APOLD1: variants seen among roughly 807,000 people sequenced by gnomAD.
The protein encoded by APOLD1 is apolipoprotein L domain containing 1.
A neutral mutation model predicts 15.3 loss-of-function variants in APOLD1; 22 were observed. The ratio of observed to expected loss-of-function variants is 1.44; its 90% confidence interval spans 1.03 to 2.05. The LOEUF is 2.05. Ranked by LOEUF, APOLD1 falls within the 30% of genes most tolerant of loss-of-function variation. The pLI is 0.00. For missense variants in APOLD1, 394 were observed against 353.5 expected (o/e 1.11, Z -0.92); for synonymous variants, 190 against 167.4 (o/e 1.13, Z -1.04).
intron 1 of APOLD1, among the ~76,000 whole-genome samples, chr12:12,769,582 T>C (rs947397720): frequency 6.6e-6 from 1 of 152,152 alleles, no homozygotes; most frequent in African/African-American, 2.4e-5. Flanking sequence ...AACGATCCTC[T>C]CATGCTTCCA....
rs528048293 is a variant in APOLD1 at position 12,777,632 on chromosome 12, G to T, written c.97-9277G>T. ...TCCCTAATTAAAAAATCTGAAATCC[G>T]AAATGTTCCAGTGAGCATTTCCTTT... On this transcript the variant is annotated intron_variant, in intron 1 of 1. Transcript: ENST00000326765. Among the ~76,000 whole-genome samples the T allele has an allele frequency of 7.3e-5, 11 of 151,466 alleles. No individual in the cohort carries two copies. The South Asian group carries it at 2.1e-3, about 29-fold the overall frequency.
intron 1 of APOLD1, among the ~76,000 whole-genome samples, chr12:12,758,125 A>G (rs1371381138): frequency 7.1e-6 from 1 of 140,602 alleles, no homozygotes. Context: ...TTTAGTAGAG[A>G]CGGGGTTTCA....
chr12:12,760,467 G>A (rs1341342632), intron 1 of APOLD1, among the ~76,000 whole-genome samples: 2 of 151,836 alleles, frequency 1.3e-5, no homozygotes, highest in Non-Finnish European at 2.9e-5. Flanking sequence ...TCAAAACCCC[G>A]TCTTTACTAA....
At chr12:12,735,394 G>A (rs2136370261) in intron 1 of APOLD1, among the ~76,000 whole-genome samples, 1 of 152,184 alleles carries the variant, frequency 6.6e-6, no homozygotes, top group African/African-American at 2.4e-5. Flanking sequence ...CTTTCAAGTT[G>A]AGACCTGGAA....
chr12:12,785,437 G>A (rs1052951308), upstream of APOLD1, among the ~76,000 whole-genome samples: 3 of 152,154 alleles, frequency 2.0e-5, no homozygotes, highest in African/African-American at 7.2e-5. Flanking sequence ...AGAGCCTGTG[G>A]TTCTCTTCCT....
intron 1 of APOLD1, among the ~76,000 whole-genome samples, chr12:12,774,244 A>G (rs1276180658): frequency 2.0e-5 from 3 of 152,092 alleles, no homozygotes; most frequent in African/African-American, 4.8e-5. Flanking sequence ...AAACTCAACA[A>G]TAAGAAGAAA....
upstream of APOLD1, among the ~76,000 whole-genome samples, chr12:12,783,634 T>G (rs1315396399): frequency 2.0e-5 from 3 of 150,026 alleles, no homozygotes; most frequent in Non-Finnish European, 3.0e-5. Flanking sequence ...TTTTTTGTTT[T>G]TTTTTTTTTT....
At chr12:12,726,776 A>T (rs1020008290) in intron 1 of APOLD1, among the ~76,000 whole-genome samples, 2 of 152,210 alleles carry the variant, frequency 1.3e-5, no homozygotes, top group African/African-American at 4.8e-5. Flanking sequence ...CAACCTGATT[A>T]TGCCTTTAGC....
chr12:12,763,346 G>A lies in APOLD1; in HGVS notation c.97-23563G>A, dbSNP rs182423824. ...CCCATATCCAAGAAAAATTGGTTCCGGGACACCCTGTGAATTCCAAAATTT... is the reference window on the plus strand; with the variant it reads ...CCCATATCCAAGAAAAATTGGTTCCAGGACACCCTGTGAATTCCAAAATTT... On this transcript the variant is annotated intron_variant, in intron 1 of 1. Transcript: ENST00000326765. Among the ~76,000 whole-genome samples the A allele has an allele frequency of 2.2e-3, 338 of 151,798 alleles. 1 individual carries two copies. Among genetic ancestry groups the A allele is most frequent in the Non-Finnish European group, 4.1e-3 (276 of 67,946 alleles).
chr12:12,781,085 T>C (rs1565437620), upstream of APOLD1, among the ~76,000 whole-genome samples: 1 of 152,188 alleles, frequency 6.6e-6, no homozygotes, highest in Admixed American at 6.6e-5. Context: ...ATATATTACA[T>C]TGCAATTAAA....
intron 1 of APOLD1, among the ~76,000 whole-genome samples, chr12:12,774,165 T>G (rs904778575): frequency 2.6e-5 from 4 of 152,146 alleles, no homozygotes; most frequent in Non-Finnish European, 5.9e-5. Flanking sequence ...AGCCACAGAC[T>G]GGAAGAAAAT....
In APOLD1 at chr12:12,774,546, C is replaced by CAAA. The variant is rs57343706; in HGVS notation, c.97-12337_97-12335dup. Among the ~76,000 whole-genome samples, 56 of 42,288 alleles carry CAAA rather than the reference C, an allele frequency of 1.3e-3. 1 individual carries two copies. Among genetic ancestry groups the CAAA allele is most frequent in the Non-Finnish European group, 1.6e-3 (35 of 22,546 alleles). 27.7% of individuals were successfully genotyped at this position (42,288 alleles called of 152,430 possible). ...GGGTGACACAGCGAGACTCTAACTCCAAAAAAAAAAAAAAAAAAAAAAAAA... is the reference window on the plus strand; with the variant it reads ...GGGTGACACAGCGAGACTCTAACTCCAAAAAAAAAAAAAAAAAAAAAAAAAAAA... On this transcript the variant is annotated intron_variant, in intron 1 of 1. Transcript: ENST00000326765.
Position 12,787,042 on chromosome 12 carries a change from A to G in APOLD1, c.137A>G (p.Glu46Gly), listed in dbSNP as rs1947134177. Residue 46 changes from glutamate to glycine, a missense_variant, in exon 2 of 2, where the codon GAG becomes GGG. Coordinates refer to ENST00000356591, the MANE Select transcript of APOLD1 (RefSeq NM_030817.3). This position sits in a 1 kb window ranked among gnomAD's most constrained non-coding sequence, Gnocchi z 4.9. ...LRLREVARRL[E>G]RLRRRSLVAN... ...CTGCGCGAGGTGGCCCGGCGCCTGGAGCGCCTGCGCAGGCGCTCCCTCGTA... is the reference window on the plus strand; with the variant it reads ...CTGCGCGAGGTGGCCCGGCGCCTGGGGCGCCTGCGCAGGCGCTCCCTCGTA... The G allele has an allele frequency of 7.3e-7, 1 of 1,373,644 alleles. No homozygotes were observed. The highest frequency in any genetic ancestry group is 9.3e-7 in the Non-Finnish European group (1 of 1,074,030). The allele number at this position is 1,373,644 out of a possible 1,614,324, so 85.1% of individuals were successfully genotyped here. A position where few individuals can be genotyped will look rare whatever the true frequency, so the allele number is the denominator to read the frequency against.
chr12:12,754,317 C>G (rs1341734250), intron 1 of APOLD1, among the ~76,000 whole-genome samples: 1 of 151,994 alleles, frequency 6.6e-6, no homozygotes, highest in Non-Finnish European at 1.5e-5. Flanking sequence ...ATTGTCCCAG[C>G]CTCCCAAAGC....
chr12:12,725,931 C>T lies in APOLD1; in HGVS notation c.-70C>T, dbSNP rs1217690619. 65 of 1,293,332 alleles carry T rather than the reference C, an allele frequency of 5.0e-5. No individual in the cohort carries two copies. The East Asian group carries it at 1.8e-3, about 36-fold the overall frequency. The allele number at this position is 1,293,332 out of a possible 1,614,324, so 80.1% of individuals were successfully genotyped here. Reference sequence around the variant, plus strand: ...GTGCGGTTGACAGTGTGCAGGCAGGCGGGGGTGCGCGGGGCGGTCAGCGAT... The same window carrying T: ...GTGCGGTTGACAGTGTGCAGGCAGGTGGGGGTGCGCGGGGCGGTCAGCGAT... On this transcript the variant is annotated 5_prime_UTR_variant, in exon 1 of 2. Transcript: ENST00000326765.
chr12:12,773,711 A>G (rs1488585078), intron 1 of APOLD1, among the ~76,000 whole-genome samples: 1 of 152,224 alleles, frequency 6.6e-6, no homozygotes, highest in African/African-American at 2.4e-5. Flanking sequence ...AGCTACAATA[A>G]TCAAGACAGT....
chr12:12,733,669 C>T (rs937503328), intron 1 of APOLD1, among the ~76,000 whole-genome samples: 3 of 152,146 alleles, frequency 2.0e-5, no homozygotes, highest in African/African-American at 7.2e-5. Flanking sequence ...GTGGCACGAT[C>T]TCGGCTCACT....
chr12:12,777,167 G>C (rs1031422286), intron 1 of APOLD1, among the ~76,000 whole-genome samples: 1 of 152,136 alleles, frequency 6.6e-6, no homozygotes, highest in Non-Finnish European at 1.5e-5. Flanking sequence ...ATGTGGGTGG[G>C]AAGGTCAAGT....
At position 12,759,981 on chromosome 12, in the gene APOLD1, C is replaced by T. The variant is rs184868662; in HGVS notation, c.97-26928C>T. ...GATTGATAATTTGATTACATGATGTCGGAACTATACAACACCATGAAAAAA... is the reference window on the plus strand; with the variant it reads ...GATTGATAATTTGATTACATGATGTTGGAACTATACAACACCATGAAAAAA... On this transcript the variant is annotated intron_variant, in intron 1 of 1. Transcript: ENST00000326765. 2.6e-3 allele frequency among the ~76,000 whole-genome samples: 391 copies of T among 152,154 alleles called. 2 individuals are homozygous for T. The highest frequency in any genetic ancestry group is 7.8e-3 in the African/African-American group (324 of 41,496).
Sources: gnomAD v4.1 joint callset for allele counts (sites outside exome capture counted in the v4.1 genomes callset) on GRCh38, gnomAD v4.1.1 for gene constraint, Gnocchi (gnomAD v3.1) non-coding constraint, MANE v1.5 for transcripts, NCBI Gene and HGNC (gene_info 2026-07-23, HGNC 2026-07-21) for gene names.